The following SDK1 variants were observed in gnomAD, a reference collection of about 807,000 sequenced individuals.
SDK1 encodes the protein sidekick cell adhesion molecule 1, also known as protein sidekick-1.
SDK1 carries 157 observed loss-of-function variants against 245.5 expected under a neutral mutation model. The ratio of observed to expected loss-of-function variants is 0.64; its 90% CI spans 0.56 to 0.73. The LOEUF is 0.73. SDK1 is among the 30% of genes least tolerant of loss of function. The pLI, the probability that SDK1 is intolerant of heterozygous loss-of-function variation, is 0.00. For missense variants in SDK1, 3,583 were observed against 3,002.3 expected (o/e 1.19, Z -4.52); for synonymous variants, 1,647 against 1,278.5 (o/e 1.29, Z -6.15).
intron 5 of SDK1, among the ~76,000 whole-genome samples, chr7:3,858,976 C>T (rs1273437633): frequency 6.6e-6 from 1 of 151,078 alleles, no homozygotes; most frequent in African/African-American, 2.4e-5. Context: ...CATTCTCCTG[C>T]CTCAGCCTCC....
At chr7:3,790,663 G>A (rs1209202105) in intron 4 of SDK1, among the ~76,000 whole-genome samples, 2 of 152,126 alleles carry the variant, frequency 1.3e-5, no homozygotes, top group South Asian at 2.1e-4. Flanking sequence ...AAAATTATCT[G>A]GGCATGGTGA....
At chr7:4,204,181 A>G (rs1784059460) in intron 35 of SDK1, among the ~76,000 whole-genome samples, 1 of 152,232 alleles carries the variant, frequency 6.6e-6, no homozygotes, top group Admixed American at 6.5e-5. Context: ...TAATTGTACA[A>G]CAGTAATTTT....
At chr7:4,116,300 A>G (rs1880857) in intron 25 of SDK1, among the ~76,000 whole-genome samples, 46,577 of 151,998 alleles carry the variant, frequency 0.31, 7,389 homozygotes, top group South Asian at 0.41. Flanking sequence ...GGGTGCAGGT[A>G]TTCCCAACAC....
chr7:3,536,160 C>G (rs1778879915), intron 1 of SDK1, among the ~76,000 whole-genome samples: 1 of 151,826 alleles, frequency 6.6e-6, no homozygotes, highest in African/African-American at 2.4e-5. Flanking sequence ...GGGTCCACAC[C>G]ATTCTCCAGC....
chr7:4,026,809 A>G lies in SDK1; in HGVS notation c.2602+9457A>G, dbSNP rs1346111316. On this transcript the variant is annotated intron_variant, in intron 17 of 44. Coordinates refer to ENST00000404826, the MANE Select transcript of SDK1 (RefSeq NM_152744.4). The surrounding 1 kb of genome is among the most constrained non-coding windows in gnomAD (Gnocchi z 4.1). Reference sequence around the variant, plus strand: ...GGCCCATAACAATCTGGAATTAACGATAACACCCGGCACACAAACGGCAAT... The same window carrying G: ...GGCCCATAACAATCTGGAATTAACGGTAACACCCGGCACACAAACGGCAAT... 6.6e-6 allele frequency among the ~76,000 whole-genome samples: 1 copy of G among 152,200 alleles called. No individual in the cohort carries two copies. The highest frequency in any genetic ancestry group is 1.5e-5 in the Non-Finnish European group (1 of 68,040).
In SDK1 at chr7:3,651,427, A is replaced by G. The variant is rs1012413610; in HGVS notation, c.713+9322A>G. Reference sequence around the variant, plus strand: ...GTGAGAAATGTGTTCATTTATTTGAAAAGTCAGTTGAATGGGTGAAAGAGC... The same window carrying G: ...GTGAGAAATGTGTTCATTTATTTGAGAAGTCAGTTGAATGGGTGAAAGAGC... On this transcript the variant is annotated intron_variant, in intron 4 of 44. Coordinates refer to ENST00000404826, the MANE Select transcript of SDK1 (RefSeq NM_152744.4). Among the ~76,000 whole-genome samples, 8 of 152,322 alleles carry G rather than the reference A, an allele frequency of 5.3e-5. No individual in the cohort carries two copies. The East Asian group carries it at 1.4e-3, about 26-fold the overall frequency.
intron 19 of SDK1, among the ~76,000 whole-genome samples, chr7:4,064,787 C>G (rs1562753938): frequency 6.6e-6 from 1 of 152,060 alleles, no homozygotes; most frequent in Non-Finnish European, 1.5e-5. Context: ...GAGGGCATTA[C>G]ATCAATGCCC....
intron 22 of SDK1, among the ~76,000 whole-genome samples, chr7:4,091,196 C>A (rs1781766262): frequency 6.6e-6 from 1 of 152,130 alleles, no homozygotes; most frequent in Non-Finnish European, 1.5e-5. Flanking sequence ...CCAGTCAAGT[C>A]ATACTTGTTA....
intron 13 of SDK1, among the ~76,000 whole-genome samples, chr7:3,979,667 C>G (rs557784252): frequency 6.6e-6 from 1 of 152,132 alleles, no homozygotes; most frequent in Non-Finnish European, 1.5e-5. Context: ...TGTAAATTAA[C>G]AAGACAAGTC....
intron 4 of SDK1, among the ~76,000 whole-genome samples, chr7:3,776,456 C>A (rs963395217): frequency 2.0e-5 from 3 of 152,204 alleles, no homozygotes; most frequent in African/African-American, 7.2e-5. Flanking sequence ...TCACATTTGA[C>A]ATTTCTGGTT....
chr7:3,398,531 C>G (rs1378668102), intron 1 of SDK1, among the ~76,000 whole-genome samples: 1 of 152,000 alleles, frequency 6.6e-6, no homozygotes, highest in Non-Finnish European at 1.5e-5. Flanking sequence ...GGGAGAAGGC[C>G]TTTATTATAT....
At chr7:3,370,134 A>C (rs1370942254) in intron 1 of SDK1, among the ~76,000 whole-genome samples, 1 of 152,242 alleles carries the variant, frequency 6.6e-6, no homozygotes, top group East Asian at 1.9e-4. Context: ...AAAGATGTAC[A>C]TATGACTTGA....
intron 2 of SDK1, among the ~76,000 whole-genome samples, chr7:3,638,226 C>T (rs1782530457): frequency 6.6e-6 from 1 of 152,138 alleles, no homozygotes. Context: ...AGACAGGTAT[C>T]AGTGCGATAA....
chr7:3,647,539 G>C (rs1782888161), intron 4 of SDK1, among the ~76,000 whole-genome samples: 1 of 152,154 alleles, frequency 6.6e-6, no homozygotes, highest in South Asian at 2.1e-4. Context: ...TGATTTTCGT[G>C]CTTCAGCCTC....
chr7:3,901,749 G>A (rs541199540), intron 5 of SDK1, among the ~76,000 whole-genome samples: 2 of 152,178 alleles, frequency 1.3e-5, no homozygotes, highest in African/African-American at 2.4e-5. Flanking sequence ...CGATGTTTGT[G>A]TCCTAACTTC....
At chr7:3,754,319 C>T (rs900974348) in intron 4 of SDK1, among the ~76,000 whole-genome samples, 2 of 152,098 alleles carry the variant, frequency 1.3e-5, no homozygotes, top group Admixed American at 1.3e-4. Flanking sequence ...ATTGTTTTGT[C>T]AAGATAATTT....
intron 30 of SDK1, among the ~76,000 whole-genome samples, chr7:4,154,585 G>A (rs369648229): frequency 1.3e-5 from 2 of 152,150 alleles, no homozygotes; most frequent in South Asian, 2.1e-4. Context: ...ACAAGAAAGA[G>A]CACATCACAT....
chr7:3,956,961 G>A (rs1781318613), intron 7 of SDK1, among the ~76,000 whole-genome samples: 1 of 152,210 alleles, frequency 6.6e-6, no homozygotes, highest in African/African-American at 2.4e-5. Flanking sequence ...CAGTACCTCA[G>A]GGAAGGCACC....
At chr7:4,169,773 G>A (rs915913809) in intron 32 of SDK1, among the ~76,000 whole-genome samples, 2 of 152,176 alleles carry the variant, frequency 1.3e-5, no homozygotes, top group African/African-American at 4.8e-5. Flanking sequence ...ACAGCACCAG[G>A]CCTTCCTGGT....
Sources: gnomAD v4.1 joint callset for allele counts (sites outside exome capture counted in the v4.1 genomes callset) on GRCh38, gnomAD v4.1.1 for gene constraint, Gnocchi (gnomAD v3.1) non-coding constraint, MANE v1.5 for transcripts, NCBI Gene and HGNC (gene_info 2026-07-23, HGNC 2026-07-21) for gene names.